Variants in PARD3 observed in about 807,000 individuals in gnomAD.
PARD3 encodes par-3 family cell polarity regulator, also known as partitioning defective 3 homolog.
PARD3 carries 75 observed loss-of-function variants against 155.4 expected under a neutral mutation model. The observed-to-expected ratio is 0.48, with a 90% CI of 0.40 to 0.58. PARD3 has a LOEUF of 0.58. Ranked by LOEUF, PARD3 falls within the 20% of genes least tolerant of loss-of-function variation. The pLI is 0.00. For missense variants in PARD3, 1,642 were observed against 1,721.7 expected (o/e 0.95, Z 0.82); for synonymous variants, 576 against 610.5 (o/e 0.94, Z 0.83).
rs555355286 is a variant in PARD3, at chr10:34,453,112, T to C, written c.583-2664A>G. ...CACATCAAACCTCCAGCAAACACTA[T>C]AGGTAGACCAGAGGGAATTTCAGAC... On this transcript the variant is annotated intron_variant, in intron 4 of 24. Coordinates refer to ENST00000374788, the MANE Select transcript of PARD3 (RefSeq NM_001184785.2). Among the ~76,000 whole-genome samples, 23 of 152,306 alleles carry C rather than the reference T, an allele frequency of 1.5e-4. No individual in the cohort carries two copies. The South Asian group carries it at 4.8e-3, about 32-fold the overall frequency.
intron 1 of PARD3, among the ~76,000 whole-genome samples, chr10:34,795,431 T>C (rs1842143218): frequency 6.6e-6 from 1 of 151,356 alleles, no homozygotes; most frequent in Admixed American, 6.6e-5. Context: ...GGCAACATAG[T>C]ATGACCCTAT....
chr10:34,286,950 AAAG>A (rs1310447677), intron 20 of PARD3, among the ~76,000 whole-genome samples: 1 of 152,124 alleles, frequency 6.6e-6, no homozygotes. Flanking sequence ...GACGTTAGGG[AAAG>A]AGAGTCACTG....
intron 7 of PARD3, among the ~76,000 whole-genome samples, chr10:34,389,898 T>C (rs1432688152): frequency 6.6e-6 from 1 of 152,096 alleles, no homozygotes; most frequent in Non-Finnish European, 1.5e-5. Context: ...AAATGGAAAA[T>C]TCCTTTAGAT....
intron 5 of PARD3, among the ~76,000 whole-genome samples, chr10:34,414,474 C>T (rs914556890): frequency 6.6e-6 from 1 of 151,894 alleles, no homozygotes; most frequent in Non-Finnish European, 1.5e-5. Flanking sequence ...ATCACATCCT[C>T]GGGTCAAAAC....
At chr10:34,510,348 G>A (rs1305982971) in intron 3 of PARD3, among the ~76,000 whole-genome samples, 2 of 152,154 alleles carry the variant, frequency 1.3e-5, no homozygotes, top group Non-Finnish European at 2.9e-5. Context: ...GGCAAGCCAT[G>A]ATAGCTGCCC....
rs145762973 is a variant in PARD3, at chr10:34,159,446, T to A, written c.3420-27863A>T. Among the ~76,000 whole-genome samples, 4 of 152,320 alleles carry A rather than the reference T, an allele frequency of 2.6e-5. No homozygotes were observed. The East Asian group carries it at 7.7e-4, about 29-fold the overall frequency. On this transcript the variant is annotated intron_variant, in intron 22 of 24. Transcript: ENST00000374788. The stretch of plus-strand genomic sequence containing the variant: ...TAGGATAACTACCCATTAAATCACA[T>A]AGGTAGAAAGAAGGCCAAGTTTATT...
intron 3 of PARD3, among the ~76,000 whole-genome samples, chr10:34,512,461 C>T (rs1052912505): frequency 6.6e-6 from 1 of 152,198 alleles, no homozygotes; most frequent in Non-Finnish European, 1.5e-5. Context: ...AGTAATCTTT[C>T]ATAACTGCCC....
intron 2 of PARD3, among the ~76,000 whole-genome samples, chr10:34,608,344 G>A (rs982052645): frequency 4.6e-5 from 7 of 152,140 alleles, no homozygotes; most frequent in South Asian, 2.1e-4. Context: ...TAATACAAAC[G>A]TTGGGAAAGA....
intron 2 of PARD3, among the ~76,000 whole-genome samples, chr10:34,527,317 A>G (rs2082553103): frequency 6.6e-6 from 1 of 152,198 alleles, no homozygotes; most frequent in African/African-American, 2.4e-5. Flanking sequence ...TGCCCTTTGT[A>G]TAGGGGACTC....
intron 1 of PARD3, among the ~76,000 whole-genome samples, chr10:34,702,811 C>G (rs1590728993): frequency 6.6e-6 from 1 of 152,182 alleles, no homozygotes; most frequent in South Asian, 2.1e-4. Context: ...TCAGTGCTCT[C>G]AAGTTACCAT....
At position 34,581,036 on chromosome 10, in the gene PARD3, T is replaced by A. The variant is rs576418427; in HGVS notation, c.223-63877A>T. Among the ~76,000 whole-genome samples, 22 of 152,308 alleles carry A rather than the reference T, an allele frequency of 1.4e-4. No individual in the cohort carries two copies. In the South Asian group the frequency reaches 4.4e-3, roughly 30 times the overall value. On this transcript the variant is annotated intron_variant, in intron 2 of 24. Transcript: ENST00000374788. ...TCTTTCCCCCAACGAAATACAGGTA[T>A]CAAGCTAAAAATTAGCTTAAGTACT...
intron 4 of PARD3, among the ~76,000 whole-genome samples, chr10:34,461,589 G>A (rs533077448): frequency 6.6e-6 from 1 of 152,248 alleles, no homozygotes; most frequent in South Asian, 2.1e-4. Flanking sequence ...CTGGGCGACA[G>A]AGTGAGACTC....
intron 8 of PARD3, among the ~76,000 whole-genome samples, chr10:34,383,390 T>TACACACACACACACAC (rs3040371): frequency 1.4e-3 from 203 of 150,256 alleles, no homozygotes; most frequent in African/African-American, 4.9e-3. Context: ...ATTTTTAAAA[T>TACACACACACACACAC]ACACACACAC....
chr10:34,478,667 C>A (rs1345924996), intron 3 of PARD3, among the ~76,000 whole-genome samples: 1 of 152,172 alleles, frequency 6.6e-6, no homozygotes, highest in Non-Finnish European at 1.5e-5. Context: ...CCTCAGCCTT[C>A]CGAGTAGCTG....
chr10:34,327,908 G>T (rs1835206014), intron 19 of PARD3, among the ~76,000 whole-genome samples: 1 of 152,140 alleles, frequency 6.6e-6, no homozygotes, highest in South Asian at 2.1e-4. Context: ...GCAGCCAGGG[G>T]ACACATAGCT....
At chr10:34,789,518 T>C (rs1025487665) in intron 1 of PARD3, among the ~76,000 whole-genome samples, 1 of 151,770 alleles carries the variant, frequency 6.6e-6, no homozygotes, top group Non-Finnish European at 1.5e-5. Flanking sequence ...GGCAGCATGC[T>C]GAGACCCTGT....
intron 2 of PARD3, among the ~76,000 whole-genome samples, chr10:34,533,657 A>G (rs868010969): frequency 3.9e-5 from 6 of 152,090 alleles, no homozygotes; most frequent in South Asian, 2.1e-4. Context: ...AAAATACAAA[A>G]ATCAGCCAGG....
chr10:34,327,139 G>A (rs1835112185), intron 19 of PARD3, among the ~76,000 whole-genome samples: 1 of 152,278 alleles, frequency 6.6e-6, no homozygotes, highest in African/African-American at 2.4e-5. Flanking sequence ...TCATGGGGAG[G>A]AGAAGTCGCT....
chr10:34,164,685 G>A (rs1949439356), intron 22 of PARD3, among the ~76,000 whole-genome samples: 1 of 152,194 alleles, frequency 6.6e-6, no homozygotes, highest in Non-Finnish European at 1.5e-5. Flanking sequence ...TACAGCAGAA[G>A]ACGACATGCA....
Sources: gnomAD v4.1 joint callset for allele counts (sites outside exome capture counted in the v4.1 genomes callset) on GRCh38, gnomAD v4.1.1 for gene constraint, MANE v1.5 for transcripts, NCBI Gene and HGNC (gene_info 2026-07-23, HGNC 2026-07-21) for gene names.